The following SNX29 variants were observed in gnomAD, a reference collection of about 807,000 sequenced individuals.
SNX29 encodes the protein sorting nexin-29.
Under a neutral mutation model 102.1 loss-of-function variants are expected in SNX29, and 78 were observed. That is an observed-to-expected ratio of 0.76 (90% confidence interval 0.64 to 0.92). SNX29 has a LOEUF of 0.92. SNX29 is among the 40% of genes least tolerant of loss of function. The pLI is 0.00. For synonymous variants in SNX29, 580 were observed against 414.5 expected, an observed-to-expected ratio of 1.40 and a Z score of -4.85; for missense variants, 1,280 against 1,061.7, an observed-to-expected ratio of 1.21 and a Z score of -2.86.
chr16:12,462,014 T>TACACACAC (rs2086820938), intron 18 of SNX29, among the ~76,000 whole-genome samples: 1 of 59,462 alleles, frequency 1.7e-5, no homozygotes, highest in African/African-American at 1.0e-4. Context: ...TATATATATG[T>TACACACAC]ATACACACAC....
At chr16:12,507,928 T>G (rs1366418719) in intron 19 of SNX29, among the ~76,000 whole-genome samples, 1 of 152,166 alleles carries the variant, frequency 6.6e-6, no homozygotes, top group Non-Finnish European at 1.5e-5. Flanking sequence ...TGAATGGAGC[T>G]TTTGCAGACC....
intron 15 of SNX29, among the ~76,000 whole-genome samples, chr16:12,298,944 CATA>C (rs965328691): frequency 7.3e-5 from 11 of 150,578 alleles, no homozygotes; most frequent in African/African-American, 2.5e-4. Context: ...TATCCATTTT[CATA>C]ATAATGAGTT....
At chr16:12,175,216 G>A (rs1002353586) in intron 13 of SNX29, among the ~76,000 whole-genome samples, 3 of 152,206 alleles carry the variant, frequency 2.0e-5, no homozygotes, top group Admixed American at 6.5e-5. Context: ...CTGGCCAGAA[G>A]TGGGTCACTC....
chr16:12,507,111 C>T (rs1001773724), intron 19 of SNX29, among the ~76,000 whole-genome samples: 1 of 152,202 alleles, frequency 6.6e-6, no homozygotes, highest in Non-Finnish European at 1.5e-5. Context: ...GGCACTGCAA[C>T]TATTGTTATC....
At chr16:12,390,890 AAAAAAG>A (rs1027075717) in intron 16 of SNX29, among the ~76,000 whole-genome samples, 8 of 152,106 alleles carry the variant, frequency 5.3e-5, no homozygotes, top group African/African-American at 1.9e-4. Flanking sequence ...TAAAAAAAAA[AAAAAAG>A]AAAAGAAAAA....
Position 12,573,163 on chromosome 16 carries a change from A to G in SNX29, c.*4534A>G, listed in dbSNP as rs2079223033. On this transcript the variant is annotated 3_prime_UTR_variant, in exon 21 of 21. Coordinates refer to ENST00000566228, the MANE Select transcript of SNX29 (RefSeq NM_032167.5). ...ATAAAGCTTCAGCTCCTTGGTCAAT[A>G]GAAGTAAGGGTGTAGCCATCCAGGG... The G allele has an allele frequency of 8.8e-6, 2 of 226,334 alleles. No individual in the cohort carries two copies. The highest frequency in any genetic ancestry group is 2.2e-5 in the African/African-American group (1 of 45,000). 14.0% of individuals were successfully genotyped at this position (226,334 alleles called of 1,614,324 possible).
chr16:12,124,571 T>C (rs2054124313), intron 11 of SNX29, among the ~76,000 whole-genome samples: 1 of 152,220 alleles, frequency 6.6e-6, no homozygotes, highest in Non-Finnish European at 1.5e-5. Context: ...GATACTTATG[T>C]AGTTTTTATT....
intron 16 of SNX29, among the ~76,000 whole-genome samples, chr16:12,394,591 G>C (rs866112415): frequency 6.6e-6 from 1 of 152,168 alleles, no homozygotes; most frequent in African/African-American, 2.4e-5. Context: ...ACCAGGGCTT[G>C]ACTGAGCTGG....
chr16:12,505,080 G>A (rs911299527), intron 19 of SNX29, among the ~76,000 whole-genome samples: 8 of 152,070 alleles, frequency 5.3e-5, no homozygotes, highest in African/African-American at 1.7e-4. Flanking sequence ...GACCAGCCTG[G>A]GCAACATAGT....
chr16:12,398,586 A>C, intron 17 of SNX29, 85 bp downstream of exon 17: 1 of 1,482,520 alleles, frequency 6.7e-7, no homozygotes. Context: ...CACAGGGGGA[A>C]ACAGAAATCA....
At chr16:12,537,930 A>T (rs2077148912) in intron 20 of SNX29, among the ~76,000 whole-genome samples, 1 of 150,762 alleles carries the variant, frequency 6.6e-6, no homozygotes, top group Non-Finnish European at 1.5e-5. Flanking sequence ...GGTTGCAGTG[A>T]GCTGAGATCG....
chr16:12,301,535 G>C (rs537127373), intron 15 of SNX29, among the ~76,000 whole-genome samples: 1 of 152,200 alleles, frequency 6.6e-6, no homozygotes, highest in African/African-American at 2.4e-5. Context: ...TGATCCAATG[G>C]TGCCTTCTGT....
intron 20 of SNX29, among the ~76,000 whole-genome samples, chr16:12,555,289 G>T (rs1306766340): frequency 1.3e-5 from 2 of 151,602 alleles, no homozygotes; most frequent in African/African-American, 2.4e-5. Context: ...GAGAGCAGGG[G>T]TGCTGTCCAG....
At chr16:12,554,906 A>AG (rs1049633634) in intron 20 of SNX29, among the ~76,000 whole-genome samples, 1 of 151,646 alleles carries the variant, frequency 6.6e-6, no homozygotes, top group African/African-American at 2.4e-5. Context: ...CAGGCAGTGC[A>AG]GGGGAGAGGG....
intron 20 of SNX29, chr16:12,557,250 A>G (rs1042474498): frequency 6.6e-6 from 1 of 152,284 alleles, no homozygotes; most frequent in Non-Finnish European, 1.5e-5. Flanking sequence ...ATTTGGATCT[A>G]TGGAAAGATA....
Position 12,076,354 on chromosome 16 carries a change from G to A in SNX29, c.1320-2479G>A, listed in dbSNP as rs1209575532. On this transcript the variant is annotated intron_variant, in intron 10 of 20. Coordinates refer to ENST00000566228, the MANE Select transcript of SNX29 (RefSeq NM_032167.5). ...CTTACTCTGTCGCCCAGGCTGGAGT[G>A]CAGTGGCACCATCTTGGCTCACTGC... Among the ~76,000 whole-genome samples the A allele has an allele frequency of 3.3e-5, 5 of 150,068 alleles. 1 individual carries two copies. In the South Asian group the frequency reaches 6.3e-4, roughly 19 times the overall value.
intron 14 of SNX29, among the ~76,000 whole-genome samples, chr16:12,260,640 T>C (rs1029981353): frequency 2.5e-5 from 2 of 80,938 alleles, no homozygotes; most frequent in African/African-American, 9.3e-5. Context: ...TCCAGGGCTT[T>C]CTTAGCCAGG....
At chr16:12,403,329 A>T (rs1390128418) in intron 17 of SNX29, 119 bp from the exon 18 acceptor site, 3 of 927,668 alleles carry the variant, frequency 3.2e-6, no homozygotes, top group South Asian at 1.6e-5. Flanking sequence ...AGTTGTCATA[A>T]ATTGCTTGTG....
intron 18 of SNX29, among the ~76,000 whole-genome samples, chr16:12,445,683 T>A (rs986855811): frequency 1.3e-5 from 2 of 152,232 alleles, no homozygotes; most frequent in Non-Finnish European, 1.5e-5. Context: ...AGAACTTCTC[T>A]TTCTGCAGCC....
Sources: gnomAD v4.1 joint callset for allele counts (sites outside exome capture counted in the v4.1 genomes callset) on GRCh38, gnomAD v4.1.1 for gene constraint, MANE v1.5 for transcripts, NCBI Gene and HGNC (gene_info 2026-07-23, HGNC 2026-07-21) for gene names.